ASIC2: variants seen among roughly 807,000 people sequenced by gnomAD.
The protein encoded by ASIC2 is acid sensing ion channel subunit 2, also known as acid-sensing ion channel 2.
ASIC2 carries 25 observed loss-of-function variants against 57.3 expected under a neutral mutation model. That is an observed-to-expected ratio of 0.44 (90% confidence interval 0.32 to 0.61). The LOEUF (loss-of-function observed/expected upper bound fraction) is 0.61. ASIC2 is among the 20% of genes least tolerant of loss of function. ASIC2 has a pLI of 0.06. For missense variants in ASIC2, 641 were observed against 738.1 expected (o/e 0.87, Z 1.52); for synonymous variants, 319 against 307.5 (o/e 1.04, Z -0.39).
intron 1 of ASIC2, among the ~76,000 whole-genome samples, chr17:33,652,432 T>C (rs1286756287): frequency 6.6e-6 from 1 of 152,230 alleles, no homozygotes; most frequent in East Asian, 1.9e-4. Flanking sequence ...GCACTTTATA[T>C]ACATGATCTT....
chr17:33,991,673 C>T (rs1906004110), intron 1 of ASIC2, among the ~76,000 whole-genome samples: 1 of 152,154 alleles, frequency 6.6e-6, no homozygotes, highest in African/African-American at 2.4e-5. Context: ...AATAACTGCA[C>T]CTGATATTCC....
intron 1 of ASIC2, among the ~76,000 whole-genome samples, chr17:33,243,072 C>G (rs899140156): frequency 2.6e-5 from 4 of 152,224 alleles, no homozygotes; most frequent in African/African-American, 9.6e-5. Context: ...CACTCACACA[C>G]CCCTGCATTT....
intron 1 of ASIC2, among the ~76,000 whole-genome samples, chr17:33,652,113 A>G (rs538444617): frequency 2.6e-5 from 4 of 152,326 alleles, no homozygotes; most frequent in Non-Finnish European, 5.9e-5. Context: ...GACTCCCAGC[A>G]AGAATGGAAA....
At chr17:33,589,873 C>CA (rs2142004198) in intron 1 of ASIC2, among the ~76,000 whole-genome samples, 1 of 152,300 alleles carries the variant, frequency 6.6e-6, no homozygotes, top group East Asian at 1.9e-4. Context: ...GGTGCATACC[C>CA]AGGAGTGGAA....
intron 1 of ASIC2, among the ~76,000 whole-genome samples, chr17:33,190,281 C>A (rs1016753104): frequency 3.9e-5 from 6 of 152,120 alleles, no homozygotes; most frequent in Non-Finnish European, 8.8e-5. Flanking sequence ...AAATAAAAAA[C>A]CATTTACAAT....
At chr17:33,405,117 A>G (rs1419614118) in intron 1 of ASIC2, among the ~76,000 whole-genome samples, 2 of 151,956 alleles carry the variant, frequency 1.3e-5, no homozygotes, top group Non-Finnish European at 2.9e-5. Context: ...GCTCAGCTGC[A>G]TGCCTCTCTG....
intron 1 of ASIC2, among the ~76,000 whole-genome samples, chr17:33,615,908 C>G: frequency 2.0e-5 from 3 of 152,206 alleles, no homozygotes; most frequent in Admixed American, 2.0e-4. Flanking sequence ...CGGGGAGTCT[C>G]AGACTGGGCT....
intron 1 of ASIC2, among the ~76,000 whole-genome samples, chr17:33,261,024 C>T (rs953989078): frequency 2.6e-5 from 4 of 152,204 alleles, no homozygotes; most frequent in East Asian, 1.9e-4. Context: ...CAGACCCTTG[C>T]GCTCCTGATT....
intron 1 of ASIC2, among the ~76,000 whole-genome samples, chr17:33,459,823 G>A (rs1332877543): frequency 6.6e-6 from 1 of 152,190 alleles, no homozygotes; most frequent in African/African-American, 2.4e-5. Context: ...TCCAGGCTGA[G>A]CTCAGACCAC....
intron 2 of ASIC2, among the ~76,000 whole-genome samples, chr17:33,111,251 T>C (rs1219487792): frequency 1.3e-5 from 2 of 152,246 alleles, no homozygotes; most frequent in Non-Finnish European, 2.9e-5. Context: ...TGATTGTGTC[T>C]CTTCCTCTGG....
chr17:33,089,488 C>T (rs1275330651), intron 2 of ASIC2, among the ~76,000 whole-genome samples: 1 of 152,186 alleles, frequency 6.6e-6, no homozygotes, highest in Non-Finnish European at 1.5e-5. Context: ...GGACTTCTGA[C>T]CTCCAGAATT....
chr17:33,974,950 T>C (rs765035487), intron 1 of ASIC2, among the ~76,000 whole-genome samples: 1 of 152,186 alleles, frequency 6.6e-6, no homozygotes, highest in Non-Finnish European at 1.5e-5. Context: ...GTTTTAACAA[T>C]TGTATCATCT....
At chr17:34,036,564 A>C (rs571595025) in intron 1 of ASIC2, 18 of 151,414 alleles carry the variant, frequency 1.2e-4, no homozygotes, top group African/African-American at 3.6e-4. Context: ...AATATAAAAA[A>C]AGCACCATCC....
chr17:33,975,491 A>G (rs1905354074), intron 1 of ASIC2, among the ~76,000 whole-genome samples: 1 of 152,070 alleles, frequency 6.6e-6, no homozygotes, highest in Non-Finnish European at 1.5e-5. Flanking sequence ...AAAGACATGA[A>G]CAGAAAAGAA....
chr17:33,574,851 A>ATTT lies in ASIC2; in HGVS notation c.556-462787_556-462785dup, dbSNP rs10699380. ...GCTAGTTTGGGTGGTCTCTGTTTCTATTTTTTTTTTTTTTGCTGCAGATCT... is the reference window on the plus strand; with the variant it reads ...GCTAGTTTGGGTGGTCTCTGTTTCTATTTTTTTTTTTTTTTTTGCTGCAGATCT... On this transcript the variant is annotated intron_variant, in intron 1 of 9. Transcript: ENST00000359872. Among the ~76,000 whole-genome samples the ATTT allele has an allele frequency of 2.1e-3, 305 of 143,092 alleles. 4 individuals are homozygous for ATTT. Among genetic ancestry groups the ATTT allele is most frequent in the South Asian group, 0.013 (57 of 4,450 alleles). The allele number at this position is 143,092 out of a possible 152,430, so 93.9% of individuals were successfully genotyped here.
At chr17:34,092,751 G>C (rs904870697) in intron 1 of ASIC2, among the ~76,000 whole-genome samples, 2 of 152,150 alleles carry the variant, frequency 1.3e-5, no homozygotes, top group African/African-American at 4.8e-5. Flanking sequence ...CTACCACCCA[G>C]ATTAGGAAAT....
chr17:33,157,087 C>T (rs1597608380), intron 1 of ASIC2, among the ~76,000 whole-genome samples: 1 of 152,190 alleles, frequency 6.6e-6, no homozygotes, highest in South Asian at 2.1e-4. Flanking sequence ...GGGACTGCAA[C>T]TAACTCATGA....
At chr17:33,089,107 C>G in intron 2 of ASIC2, 117 bp from the exon 3 acceptor site, 1 of 1,366,562 alleles carries the variant, frequency 7.3e-7, no homozygotes, top group Non-Finnish European at 9.8e-7. Flanking sequence ...AGAATAATGG[C>G]CCCCAAAGGT....
intron 1 of ASIC2, among the ~76,000 whole-genome samples, chr17:33,208,689 A>G (rs1907161101): frequency 6.6e-6 from 1 of 151,694 alleles, no homozygotes; most frequent in Non-Finnish European, 1.5e-5. Context: ...TATATTTATT[A>G]TTATTATTAA....
Sources: allele counts gnomAD v4.1 joint callset (sites outside exome capture counted in the v4.1 genomes callset), GRCh38; gene constraint gnomAD v4.1.1; transcripts MANE v1.5; gene names NCBI Gene and HGNC (gene_info 2026-07-23, HGNC 2026-07-21).